CDC14A: variants seen among roughly 807,000 people sequenced by gnomAD.
The protein encoded by CDC14A is dual specificity protein phosphatase CDC14A.
In CDC14A, 53 loss-of-function variants were observed where a neutral mutation model predicts 74.4. The ratio of observed to expected loss-of-function variants is 0.71; its 90% CI spans 0.57 to 0.89. CDC14A has a LOEUF of 0.89. Among genes scored for constraint, CDC14A ranks in the 40% least tolerant of loss-of-function variants. CDC14A has a pLI of 0.00. For synonymous variants in CDC14A, 247 were observed against 258.4 expected, an observed-to-expected ratio of 0.96 and a Z score of 0.43; for missense variants, 646 against 713.7, an observed-to-expected ratio of 0.91 and a Z score of 1.08.
rs756410439 is a variant in CDC14A at position 100,353,795 on chromosome 1, C to G, written c.83C>G (p.Pro28Arg). 1.9e-6 allele frequency: 3 copies of G among 1,607,004 alleles called. No individual in the cohort carries two copies. The highest frequency in any genetic ancestry group is 2.6e-6 in the Non-Finnish European group (3 of 1,174,940). The change falls in exon 2 of 16, where the codon CCA becomes CGA. Residue 28 changes from proline (P) to arginine (R), a missense_variant. Pro to Arg is a moderately radical substitution (Grantham distance 103, BLOSUM62 -2). Coordinates refer to ENST00000336454, the MANE Select transcript of CDC14A (RefSeq NM_003672.4). ...RLYFATLRNR[P>R]KSTVNTHYFS... is the part of the protein sequence containing the mutation. Reference sequence around the variant, plus strand: ...TATTTTGCTACTTTAAGGAATAGACCAAAAAGCACAGTAAATACCCACTAT... The same window carrying G: ...TATTTTGCTACTTTAAGGAATAGACGAAAAAGCACAGTAAATACCCACTAT...
chr1:100,472,247 A>G (rs967940698), intron 10 of CDC14A, among the ~76,000 whole-genome samples: 1 of 152,202 alleles, frequency 6.6e-6, no homozygotes, highest in African/African-American at 2.4e-5. Flanking sequence ...ATCTTTTGGT[A>G]CAGCTATCTG....
Position 100,473,532 on chromosome 1 carries a change from G to A in CDC14A, c.977+5438G>A, listed in dbSNP as rs535201396. On this transcript the variant is annotated intron_variant, in intron 10 of 15. Coordinates refer to ENST00000336454, the MANE Select transcript of CDC14A (RefSeq NM_003672.4). ...CTCCCAAGTAGCTGGGATTACAGGC[G>A]TGTGCCACCACGCCCGGCTAATTTT... Among the ~76,000 whole-genome samples the A allele has an allele frequency of 4.6e-5, 7 of 151,986 alleles. No homozygotes were observed. The East Asian group carries it at 9.7e-4, about 21-fold the overall frequency.
rs112607520 is a variant in CDC14A at position 100,466,974 on chromosome 1, A to G, written c.839-982A>G. ...GGGATGAAAAACTTTTTTTTTTTGT[A>G]TAAAGCACAGATTTACATAAACAGA... On this transcript the variant is annotated intron_variant, in intron 9 of 15. Coordinates refer to ENST00000336454, the MANE Select transcript of CDC14A (RefSeq NM_003672.4). 7.0e-3 allele frequency among the ~76,000 whole-genome samples: 1,051 copies of G among 149,770 alleles called. 11 individuals carry two copies. The highest frequency in any genetic ancestry group is 0.024 in the African/African-American group (984 of 40,858).
intron 8 of CDC14A, chr1:100,462,402 A>T: frequency 2.2e-6 from 1 of 462,512 alleles, no homozygotes; most frequent in Non-Finnish European, 4.0e-6. Context: ...TCGAATCTAG[A>T]GGTTGAGATT....
At chr1:100,347,805 A>G (rs552627261), upstream of CDC14A, among the ~76,000 whole-genome samples, 1 of 152,328 alleles carries the variant, frequency 6.6e-6, no homozygotes, top group South Asian at 2.1e-4. Flanking sequence ...TATGTATTCT[A>G]TATTTTCTTT....
At position 100,519,307 on chromosome 1, in the gene CDC14A, A is replaced by T. The variant is rs1258896368; in HGVS notation, c.*1027A>T. On this transcript the variant is annotated 3_prime_UTR_variant, in exon 16 of 16. Transcript: ENST00000336454. ...AGGAGATATTTTTAAAACAGGGTAC[A>T]ACCCCCTGCTGCACACGCTAGCATA... 1 of 152,142 alleles carries T rather than the reference A, an allele frequency of 6.6e-6. No homozygotes were observed. Among genetic ancestry groups the T allele is most frequent in the African/African-American group, 2.4e-5 (1 of 41,448 alleles). The allele number at this position is 152,142 out of a possible 1,614,324, so 9.4% of individuals were successfully genotyped here.
At chr1:100,349,289 T>C (rs182517904), upstream of CDC14A, among the ~76,000 whole-genome samples, 16 of 152,380 alleles carry the variant, frequency 1.1e-4, no homozygotes, top group African/African-American at 2.4e-4. Flanking sequence ...TTTTGTGCAG[T>C]TGAGCGATAT....
rs1571049433 is a variant in CDC14A at position 100,393,557 on chromosome 1, CA to C, written c.309+2734del. On this transcript the variant is annotated intron_variant, in intron 4 of 15. Coordinates refer to ENST00000336454, the MANE Select transcript of CDC14A (RefSeq NM_003672.4). ...AATAATCCAGGACTGTCAGGTATCT[CA>C]GGTAGTTCATAGTAGGTTGGTATCT... 13 of 743,390 alleles carry C rather than the reference CA, an allele frequency of 1.7e-5. No individual in the cohort carries two copies. The East Asian group carries it at 3.3e-4, about 19-fold the overall frequency. The allele number at this position is 743,390 out of a possible 1,614,324, so 46.0% of individuals were successfully genotyped here.
At chr1:100,498,675 C>CA (rs930628239) in intron 14 of CDC14A, among the ~76,000 whole-genome samples, 5 of 152,170 alleles carry the variant, frequency 3.3e-5, no homozygotes, top group African/African-American at 1.2e-4. Flanking sequence ...GATCTGTAGT[C>CA]AAAGTGTTTT....
At chr1:100,460,716 T>C (rs1046585366) in intron 8 of CDC14A, among the ~76,000 whole-genome samples, 1 of 152,224 alleles carries the variant, frequency 6.6e-6, no homozygotes, top group Admixed American at 6.5e-5. Flanking sequence ...TGTAGGTTAT[T>C]GTTTCTACAC....
At chr1:100,468,227 A>G in intron 10 of CDC14A, 133 bp downstream of exon 10, 1 of 967,970 alleles carries the variant, frequency 1.0e-6, no homozygotes, top group South Asian at 1.4e-5. Flanking sequence ...TGTGCCTCTA[A>G]TAGAATATTG....
At chr1:100,472,995 G>C (rs917003118) in intron 10 of CDC14A, among the ~76,000 whole-genome samples, 1 of 147,372 alleles carries the variant, frequency 6.8e-6, no homozygotes, top group East Asian at 1.9e-4. Context: ...TATTGGAAGA[G>C]TGATTCCTTC....
intron 4 of CDC14A, among the ~76,000 whole-genome samples, chr1:100,399,364 T>C (rs974699031): frequency 6.6e-6 from 1 of 152,182 alleles, no homozygotes; most frequent in Non-Finnish European, 1.5e-5. Context: ...TGGATTTTTG[T>C]CTTTAGAGTG....
chr1:100,480,857 G>C (rs1669387046), intron 10 of CDC14A: 1 of 152,142 alleles, frequency 6.6e-6, no homozygotes, highest in Non-Finnish European at 1.5e-5. Context: ...TTAGTTAGTT[G>C]AATCTTTTGG....
intron 15 of CDC14A, chr1:100,499,538 T>G: frequency 9.9e-7 from 1 of 1,007,482 alleles, no homozygotes; most frequent in South Asian, 2.1e-5. Flanking sequence ...GGGAAATAGC[T>G]TTCATTCTTT....
In CDC14A at chr1:100,377,648, T is replaced by C. The variant is rs1655471636; in HGVS notation, c.216+27T>C. On this transcript the variant is annotated intron_variant, in intron 3 of 15. Coordinates refer to ENST00000336454, the MANE Select transcript of CDC14A (RefSeq NM_003672.4). ...TGAGTATTGTAGTGATATTTATAATTTGGAATTAAAACATTTGAACCATAG... is the reference window on the plus strand; with the variant it reads ...TGAGTATTGTAGTGATATTTATAATCTGGAATTAAAACATTTGAACCATAG... 1.9e-6 allele frequency: 3 copies of C among 1,549,842 alleles called. No individual in the cohort carries two copies. In the African/African-American group the frequency reaches 4.1e-5, roughly 21 times the overall value.
At chr1:100,384,342 T>C (rs556844415) in intron 3 of CDC14A, among the ~76,000 whole-genome samples, 1 of 152,364 alleles carries the variant, frequency 6.6e-6, no homozygotes, top group African/African-American at 2.4e-5. Context: ...TGTTAATTGA[T>C]AGTCAATACT....
intron 5 of CDC14A, among the ~76,000 whole-genome samples, chr1:100,437,562 C>G (rs953868945): frequency 1.3e-5 from 2 of 152,178 alleles, no homozygotes; most frequent in African/African-American, 4.8e-5. Context: ...CTTCTCTGTG[C>G]CTTTTCAGCC....
chr1:100,403,865 T>C (rs991762233), intron 4 of CDC14A, among the ~76,000 whole-genome samples: 5 of 152,322 alleles, frequency 3.3e-5, no homozygotes, highest in South Asian at 4.1e-4. Flanking sequence ...TAGTATCTCA[T>C]TGGGCTTAGT....
Sources: allele counts gnomAD v4.1 joint callset (sites outside exome capture counted in the v4.1 genomes callset), GRCh38; gene constraint gnomAD v4.1.1; transcripts MANE v1.5; gene names NCBI Gene and HGNC (gene_info 2026-07-23, HGNC 2026-07-21).